Variants in SPIRE2 observed in about 807,000 individuals in gnomAD.
The protein encoded by SPIRE2 is spire type actin nucleation factor 2, also known as protein spire homolog 2.
SPIRE2 carries 76 observed loss-of-function variants against 80.7 expected under a neutral mutation model. The observed-to-expected ratio is 0.94, with a 90% CI of 0.78 to 1.14. The LOEUF is 1.14. SPIRE2 is among the 50% of genes most tolerant of loss of function. The probability of loss-of-function intolerance (pLI) is 0.00; values close to 1 mark genes in which losing one functional copy is unlikely to be tolerated. For missense variants in SPIRE2, 1,196 were observed against 1,015.3 expected (o/e 1.18, Z -2.42); for synonymous variants, 535 against 432.6 (o/e 1.24, Z -2.94).
At chr16:89,865,357 G>A (rs76603333) in intron 12 of SPIRE2, among the ~76,000 whole-genome samples, 1 of 152,002 alleles carries the variant, frequency 6.6e-6, no homozygotes, top group Admixed American at 6.6e-5. Flanking sequence ...ACTATGATAA[G>A]GTATAGTAAG....
chr16:89,867,866 T>TA (rs2041803691), intron 12 of SPIRE2, among the ~76,000 whole-genome samples: 1 of 152,204 alleles, frequency 6.6e-6, no homozygotes, highest in South Asian at 2.1e-4. Flanking sequence ...ATTACAGGCG[T>TA]AAGCTACCAC....
Position 89,863,981 on chromosome 16 carries a change from T to C in SPIRE2, c.1778+120T>C, listed in dbSNP as rs2041767420. On this transcript the variant is annotated intron_variant, in intron 12 of 14. Coordinates refer to ENST00000378247, the MANE Select transcript of SPIRE2 (RefSeq NM_032451.2). The surrounding 1 kb of genome is among the most constrained non-coding windows in gnomAD (Gnocchi z 4.3). ...ATGTTCTAGCATGTTCGATGGCTGA[T>C]GAGTCCACAAGATATGGTTAGTACG... 2.9e-6 allele frequency: 2 copies of C among 696,612 alleles called. No individual in the cohort carries two copies. Among genetic ancestry groups the C allele is most frequent in the South Asian group, 1.8e-5 (1 of 56,706 alleles). 43.2% of individuals were successfully genotyped at this position (696,612 alleles called of 1,614,324 possible).
intron 13 of SPIRE2, among the ~76,000 whole-genome samples, chr16:89,869,059 T>C (rs866094278): frequency 2.2e-4 from 10 of 45,448 alleles, no homozygotes; most frequent in African/African-American, 7.9e-4. Flanking sequence ...AAAAAATATA[T>C]ATATATATAT....
chr16:89,845,149 C>T (rs966518425), intron 1 of SPIRE2, among the ~76,000 whole-genome samples, 173 bp from the exon 2 acceptor site: 3 of 152,204 alleles, frequency 2.0e-5, no homozygotes, highest in Non-Finnish European at 2.9e-5. Flanking sequence ...CGAGCCGGGC[C>T]TCATGGGTGT....
At position 89,868,088 on chromosome 16, in the gene SPIRE2, A is replaced by T. The variant is rs1452341797; in HGVS notation, c.1779-101A>T. 3 of 1,274,602 alleles carry T rather than the reference A, an allele frequency of 2.4e-6. No individual in the cohort carries two copies. In the African/African-American group the frequency reaches 4.4e-5, roughly 19 times the overall value. 79.0% of individuals were successfully genotyped at this position (1,274,602 alleles called of 1,614,324 possible). On this transcript the variant is annotated intron_variant, in intron 12 of 14. Transcript: ENST00000378247. Reference sequence around the variant, plus strand: ...ACCAAGCATCAGGCAGAAGGCAAGGATGGTTTGACCTCGGATGCGTGGAGG... The same window carrying T: ...ACCAAGCATCAGGCAGAAGGCAAGGTTGGTTTGACCTCGGATGCGTGGAGG...
intron 1 of SPIRE2, among the ~76,000 whole-genome samples, chr16:89,832,126 G>C (rs1172030962): frequency 6.6e-6 from 1 of 152,260 alleles, no homozygotes; most frequent in African/African-American, 2.4e-5. Flanking sequence ...TGAGGCAAGA[G>C]AGGGGCTCTG....
intron 3 of SPIRE2, 113 bp from the exon 4 acceptor site, chr16:89,854,173 C>T: frequency 1.0e-6 from 1 of 975,050 alleles, no homozygotes; most frequent in East Asian, 2.6e-5. Flanking sequence ...TGTCTCTTTT[C>T]CGGCTGGTCG....
At position 89,860,008 on chromosome 16, in the gene SPIRE2, C is replaced by A. The variant is rs745860083; in HGVS notation, c.1462+654C>A. 1.3e-4 allele frequency among the ~76,000 whole-genome samples: 20 copies of A among 152,338 alleles called. No homozygotes were observed. In the South Asian group the frequency reaches 3.3e-3, roughly 25 times the overall value. On this transcript the variant is annotated intron_variant, in intron 9 of 14. Coordinates refer to ENST00000378247, the MANE Select transcript of SPIRE2 (RefSeq NM_032451.2). Reference sequence around the variant, plus strand: ...CAGGCCAGGCCAGTTCCAAACCTCACACTTACTTAACCTCGGCCTCCCCCA... The same window carrying A: ...CAGGCCAGGCCAGTTCCAAACCTCAAACTTACTTAACCTCGGCCTCCCCCA...
intron 1 of SPIRE2, among the ~76,000 whole-genome samples, chr16:89,829,398 G>A (rs563931006): frequency 6.6e-6 from 1 of 152,340 alleles, no homozygotes; most frequent in Admixed American, 6.5e-5. Flanking sequence ...TGAGAATGGT[G>A]AGCTTAAGTG....
rs1299656862 is a variant in SPIRE2, at chr16:89,842,229, T to TTTTTTTTTTC, written c.245-3092_245-3091insTTTTTTTTCT. ...CGTAATTTTTTTTTTTTTTTTTTTT[T>TTTTTTTTTTC]TGTGACGGAGTCTCACTCTGTTGCC... On this transcript the variant is annotated intron_variant, in intron 1 of 14. Coordinates refer to ENST00000378247, the MANE Select transcript of SPIRE2 (RefSeq NM_032451.2). 8.7e-4 allele frequency among the ~76,000 whole-genome samples: 119 copies of TTTTTTTTTTC among 137,468 alleles called. 7 individuals are homozygous for TTTTTTTTTTC. Among genetic ancestry groups the TTTTTTTTTTC allele is most frequent in the African/African-American group, 3.4e-3 (113 of 33,032 alleles). The allele number at this position is 137,468 out of a possible 152,430, so 90.2% of individuals were successfully genotyped here. A position where few individuals can be genotyped will look rare whatever the true frequency, so the allele number is the denominator to read the frequency against.
chr16:89,840,460 A>G (rs568376205), intron 1 of SPIRE2, among the ~76,000 whole-genome samples: 3 of 150,648 alleles, frequency 2.0e-5, no homozygotes, highest in South Asian at 2.1e-4. Flanking sequence ...CGTGTTAGCC[A>G]GGATGGTTTC....
chr16:89,855,748 G>A, intron 6 of SPIRE2, 62 bp downstream of exon 6: 2 of 1,528,428 alleles, frequency 1.3e-6, no homozygotes, highest in South Asian at 1.1e-5. Context: ...CCTGTAGCCA[G>A]CCTGGGAGGT....
Position 89,869,635 on chromosome 16 carries a change from G to A in SPIRE2, c.1875G>A (p.Arg625=). ...CACTGGGCTTTGAGAGTCCTCAGAG[G>A]GTATCAGCTGCCAAAACCGCGCCAA... ...VYTLGFESPQ[R]VSAAKTAPIQ... is the part of the protein sequence containing the mutation. The change falls in exon 14 of 15, where the codon AGG becomes AGA. Residue 625 remains arginine (R), a synonymous_variant. Transcript: ENST00000378247. 1 of 1,614,156 alleles carries A rather than the reference G, an allele frequency of 6.2e-7. No individual in the cohort carries two copies. Among genetic ancestry groups the A allele is most frequent in the Non-Finnish European group, 8.5e-7 (1 of 1,180,026 alleles).
chr16:89,860,834 G>C, intron 10 of SPIRE2, 39 bp downstream of exon 10: 1 of 1,322,494 alleles, frequency 7.6e-7, no homozygotes, highest in Non-Finnish European at 1.0e-6. Flanking sequence ...GCGGCCCAGG[G>C]GGCGTCTTTG....
Position 89,863,375 on chromosome 16 carries a change from T to G in SPIRE2, c.1576-101T>G. 7.4e-7 allele frequency: 1 copy of G among 1,357,436 alleles called. No individual in the cohort carries two copies. Among genetic ancestry groups the G allele is most frequent in the Non-Finnish European group, 1.0e-6 (1 of 983,686 alleles). The allele number at this position is 1,357,436 out of a possible 1,614,324, so 84.1% of individuals were successfully genotyped here. ...ACAGCGTTTTAGAAGGTCGCAGGCTTGTTTAGGCTGAGGCCAGGGAGGGTT... is the reference window on the plus strand; with the variant it reads ...ACAGCGTTTTAGAAGGTCGCAGGCTGGTTTAGGCTGAGGCCAGGGAGGGTT... On this transcript the variant is annotated intron_variant, in intron 10 of 14. Transcript: ENST00000378247. The surrounding 1 kb of genome is among the most constrained non-coding windows in gnomAD (Gnocchi z 4.3).
At position 89,869,714 on chromosome 16, in the gene SPIRE2, G is replaced by C. The variant is rs748933870; in HGVS notation, c.1922+32G>C. On this transcript the variant is annotated intron_variant, in intron 14 of 14. Coordinates refer to ENST00000378247, the MANE Select transcript of SPIRE2 (RefSeq NM_032451.2). ...TCTTCGCCTTGCTGCTGATGTCACT[G>C]TGGTGGTCGGGCGTGAAGAGGAACT... 10 of 1,553,044 alleles carry C rather than the reference G, an allele frequency of 6.4e-6. No individual in the cohort carries two copies. The South Asian group carries it at 1.0e-4, about 16-fold the overall frequency.
intron 12 of SPIRE2, among the ~76,000 whole-genome samples, chr16:89,866,900 C>T (rs900051531): frequency 2.6e-5 from 4 of 152,150 alleles, no homozygotes; most frequent in South Asian, 2.1e-4. Flanking sequence ...TGAGCCACCG[C>T]GCCCAGCCTT....
At chr16:89,840,764 T>C (rs2041499031) in intron 1 of SPIRE2, among the ~76,000 whole-genome samples, 1 of 149,982 alleles carries the variant, frequency 6.7e-6, no homozygotes, top group African/African-American at 2.5e-5. Flanking sequence ...GCCTCCCGAG[T>C]AGCTGGGACT....
At chr16:89,843,464 C>T (rs1031809913) in intron 1 of SPIRE2, among the ~76,000 whole-genome samples, 1 of 151,662 alleles carries the variant, frequency 6.6e-6, no homozygotes, top group Non-Finnish European at 1.5e-5. Flanking sequence ...GGGGGGACAT[C>T]TCCAAATCGG....
Sources: gnomAD v4.1 joint callset for allele counts (sites outside exome capture counted in the v4.1 genomes callset) on GRCh38, gnomAD v4.1.1 for gene constraint, Gnocchi (gnomAD v3.1) non-coding constraint, MANE v1.5 for transcripts, NCBI Gene and HGNC (gene_info 2026-07-23, HGNC 2026-07-21) for gene names.